The following ADGRV1 variants were observed in gnomAD, a reference collection of about 807,000 sequenced individuals.
The protein encoded by ADGRV1 is G-protein coupled receptor 98.
A neutral mutation model predicts 596.2 loss-of-function variants in ADGRV1; 359 were observed. That is an observed-to-expected ratio of 0.60 (90% CI 0.55 to 0.66). The LOEUF is 0.66. Among genes scored for constraint, ADGRV1 ranks in the 30% least tolerant of loss-of-function variants. ADGRV1 has a pLI of 0.00. For synonymous variants in ADGRV1, 2,681 were observed against 2,679.2 expected, an observed-to-expected ratio of 1.00 and a Z score of -0.02; for missense variants, 7,274 against 7,575.6, an observed-to-expected ratio of 0.96 and a Z score of 1.48.
chr5:90,976,940 A>G (rs1369792406), intron 84 of ADGRV1, among the ~76,000 whole-genome samples: 1 of 152,218 alleles, frequency 6.6e-6, no homozygotes, highest in Non-Finnish European at 1.5e-5. Flanking sequence ...GTTAGAAATT[A>G]TTTTACAGTT....
intron 4 of ADGRV1, among the ~76,000 whole-genome samples, chr5:90,619,427 C>G (rs1404495727): frequency 6.6e-6 from 1 of 151,944 alleles, no homozygotes; most frequent in Non-Finnish European, 1.5e-5. Flanking sequence ...CTGATTGTTC[C>G]ACCTGACTCC....
chr5:90,836,423 A>G (rs1489467561), intron 77 of ADGRV1, among the ~76,000 whole-genome samples: 1 of 152,160 alleles, frequency 6.6e-6, no homozygotes, highest in Admixed American at 6.5e-5. Flanking sequence ...TGATACACAT[A>G]ACAACCTAAT....
intron 85 of ADGRV1, among the ~76,000 whole-genome samples, chr5:91,006,502 T>C (rs866899196): frequency 6.6e-6 from 1 of 152,166 alleles, no homozygotes; most frequent in African/African-American, 2.4e-5. Flanking sequence ...AATTTTTGTA[T>C]ACTTTTTGAT....
intron 87 of ADGRV1, among the ~76,000 whole-genome samples, chr5:91,103,349 T>C (rs1791560262): frequency 6.6e-6 from 1 of 151,690 alleles, no homozygotes; most frequent in African/African-American, 2.4e-5. Flanking sequence ...TGCCAGGTGG[T>C]AAAGAAGACA....
intron 1 of ADGRV1, among the ~76,000 whole-genome samples, chr5:90,608,879 T>C (rs1227812389): frequency 2.0e-5 from 3 of 152,150 alleles, no homozygotes; most frequent in African/African-American, 7.2e-5. Context: ...ATATGTGGTC[T>C]AGGAAAGTGC....
At chr5:90,847,768 G>A (rs977941610) in intron 78 of ADGRV1, among the ~76,000 whole-genome samples, 1 of 152,226 alleles carries the variant, frequency 6.6e-6, no homozygotes, top group Non-Finnish European at 1.5e-5. Flanking sequence ...GCCGCTGAAT[G>A]CGGGGCCCAC....
At chr5:90,782,517 A>G (rs1459296294) in intron 65 of ADGRV1, among the ~76,000 whole-genome samples, 1 of 152,138 alleles carries the variant, frequency 6.6e-6, no homozygotes, top group Admixed American at 6.6e-5. Flanking sequence ...CTATTAAATT[A>G]TATTTTAATA....
At chr5:91,159,289 G>C (rs369865682) in intron 89 of ADGRV1, among the ~76,000 whole-genome samples, 1 of 152,082 alleles carries the variant, frequency 6.6e-6, no homozygotes, top group Non-Finnish European at 1.5e-5. Context: ...TTGTCAGCAG[G>C]CTCCAAATTC....
intron 85 of ADGRV1, among the ~76,000 whole-genome samples, chr5:91,031,859 A>G (rs907192314): frequency 6.6e-6 from 1 of 152,236 alleles, no homozygotes; most frequent in African/African-American, 2.4e-5. Context: ...TAAAAAGTAA[A>G]GAGTAAACTA....
chr5:91,139,581 T>C (rs530898800), intron 87 of ADGRV1, among the ~76,000 whole-genome samples: 53 of 152,346 alleles, frequency 3.5e-4, no homozygotes, highest in Non-Finnish European at 6.8e-4. Flanking sequence ...TTTAATTGTG[T>C]GCTATATAGT....
intron 87 of ADGRV1, among the ~76,000 whole-genome samples, chr5:91,119,101 C>T (rs554924525): frequency 2.6e-4 from 40 of 152,296 alleles, no homozygotes; most frequent in Admixed American, 2.6e-4. Flanking sequence ...GGACTCAACT[C>T]TGCTTTGAAA....
Position 90,790,854 on chromosome 5 carries a change from T to G in ADGRV1, c.14044-19T>G, listed in dbSNP as rs1464250276. 3.9e-6 allele frequency: 6 copies of G among 1,527,588 alleles called. No individual in the cohort carries two copies. The African/African-American group carries it at 5.6e-5, about 14-fold the overall frequency. The allele number at this position is 1,527,588 out of a possible 1,614,324, so 94.6% of individuals were successfully genotyped here. Reference sequence around the variant, plus strand: ...TACTGAATTATATAACTTTGTTGAGTTTTTTTCTTTTATTTTAGGTTTACT... The same window carrying G: ...TACTGAATTATATAACTTTGTTGAGGTTTTTTCTTTTATTTTAGGTTTACT... On this transcript the variant is annotated intron_variant, in intron 69 of 89. Transcript: ENST00000405460.
chr5:90,783,518 A>C (rs995551272), intron 66 of ADGRV1, among the ~76,000 whole-genome samples, 193 bp downstream of exon 66: 2 of 151,638 alleles, frequency 1.3e-5, no homozygotes, highest in Non-Finnish European at 2.9e-5. Context: ...ATGTCACTTC[A>C]TTTCAAATAA....
At chr5:90,750,005 A>T (rs561518109) in intron 52 of ADGRV1, among the ~76,000 whole-genome samples, 146 of 152,330 alleles carry the variant, frequency 9.6e-4, no homozygotes, top group African/African-American at 3.4e-3. Flanking sequence ...TGAATTTAAG[A>T]ATAAGAGACA....
Position 90,676,060 on chromosome 5 carries a change from A to G in ADGRV1, c.5314-20A>G. 1 of 1,573,796 alleles carries G rather than the reference A, an allele frequency of 6.4e-7. No homozygotes were observed. Among genetic ancestry groups the G allele is most frequent in the Non-Finnish European group, 8.7e-7 (1 of 1,154,606 alleles). On this transcript the variant is annotated intron_variant, in intron 24 of 89. Transcript: ENST00000405460. ...ATACAGAATGATTGTAATCTAATGG[A>G]TCAGTCTTTTATATTTCAGAATGTT...
intron 83 of ADGRV1, among the ~76,000 whole-genome samples, chr5:90,885,747 G>A (rs1380459303): frequency 6.6e-6 from 1 of 152,112 alleles, no homozygotes; most frequent in African/African-American, 2.4e-5. Flanking sequence ...ATTGGTTAGA[G>A]GAAGAGATAG....
At chr5:91,151,944 GA>G (rs952929932) in intron 88 of ADGRV1, among the ~76,000 whole-genome samples, 5 of 152,220 alleles carry the variant, frequency 3.3e-5, no homozygotes, top group Non-Finnish European at 5.9e-5. Flanking sequence ...GCCATTTTCA[GA>G]AACGAAGTGT....
At chr5:90,623,756 T>C (rs1375666032) in intron 5 of ADGRV1, among the ~76,000 whole-genome samples, 1 of 152,132 alleles carries the variant, frequency 6.6e-6, no homozygotes, top group Non-Finnish European at 1.5e-5. Context: ...ATGGTGTTTG[T>C]AGCCATTGCA....
At chr5:90,706,558 T>G (rs961606362) in intron 38 of ADGRV1, among the ~76,000 whole-genome samples, 164 bp downstream of exon 38, 6 of 152,058 alleles carry the variant, frequency 3.9e-5, no homozygotes, top group African/African-American at 7.2e-5. Flanking sequence ...AACTCATATA[T>G]TTTTCCTTAT....
Sources: gnomAD v4.1 joint callset for allele counts (sites outside exome capture counted in the v4.1 genomes callset) on GRCh38, gnomAD v4.1.1 for gene constraint, MANE v1.5 for transcripts, NCBI Gene and HGNC (gene_info 2026-07-23, HGNC 2026-07-21) for gene names.